The following CSMD1 variants were observed in gnomAD, a reference collection of about 807,000 sequenced individuals.
The protein encoded by CSMD1 is CUB and Sushi multiple domains 1.
CSMD1 carries 213 observed loss-of-function variants against 417.5 expected under a neutral mutation model. The observed-to-expected ratio is 0.51, with a 90% confidence interval of 0.46 to 0.57. CSMD1 has a LOEUF of 0.57. Ranked by LOEUF, CSMD1 falls within the 20% of genes least tolerant of loss-of-function variation. The probability of loss-of-function intolerance (pLI) is 0.00; values close to 1 mark genes in which losing one functional copy is unlikely to be tolerated. For missense variants in CSMD1, 6,923 were observed against 4,529.7 expected (o/e 1.53, Z -15.17); for synonymous variants, 2,862 against 1,736.8 (o/e 1.65, Z -16.11).
At chr8:4,108,564 C>G (rs946436245) in intron 3 of CSMD1, among the ~76,000 whole-genome samples, 5 of 152,222 alleles carry the variant, frequency 3.3e-5, no homozygotes, top group South Asian at 4.1e-4. Flanking sequence ...TCACCATCCA[C>G]TGATATGCCA....
intron 1 of CSMD1, among the ~76,000 whole-genome samples, chr8:4,716,703 C>T (rs1808681869): frequency 6.6e-6 from 1 of 152,104 alleles, no homozygotes; most frequent in South Asian, 2.1e-4. Context: ...GAGGACTATT[C>T]AAGATGATTT....
chr8:3,330,601 G>A (rs1198008415), intron 23 of CSMD1, among the ~76,000 whole-genome samples: 2 of 152,286 alleles, frequency 1.3e-5, no homozygotes, highest in African/African-American at 4.8e-5. Context: ...ATTGGAGGGT[G>A]GAGGATGAGA....
chr8:4,132,380 G>A (rs560432103), intron 3 of CSMD1, among the ~76,000 whole-genome samples: 12 of 152,100 alleles, frequency 7.9e-5, no homozygotes, highest in African/African-American at 2.9e-4. Context: ...TTGACTTTGT[G>A]CCTATTCTCT....
At chr8:4,524,617 A>G (rs1414071677) in intron 2 of CSMD1, among the ~76,000 whole-genome samples, 1 of 129,716 alleles carries the variant, frequency 7.7e-6, no homozygotes, top group African/African-American at 2.9e-5. Flanking sequence ...AGTGCCACCT[A>G]GTGAAGTATT....
intron 5 of CSMD1, among the ~76,000 whole-genome samples, chr8:3,756,629 A>G (rs1797675344): frequency 6.6e-6 from 1 of 152,190 alleles, no homozygotes; most frequent in African/African-American, 2.4e-5. Flanking sequence ...TCCATTTCAT[A>G]TGGTGATAGA....
chr8:4,896,385 A>G (rs1476869777), intron 1 of CSMD1, among the ~76,000 whole-genome samples: 1 of 152,208 alleles, frequency 6.6e-6, no homozygotes, highest in African/African-American at 2.4e-5. Context: ...TGCATTTTCA[A>G]AATTATTTAC....
chr8:4,015,315 T>C (rs186174429), intron 4 of CSMD1, among the ~76,000 whole-genome samples: 13 of 152,314 alleles, frequency 8.5e-5, no homozygotes, highest in African/African-American at 2.2e-4. Flanking sequence ...ATAAAAAGCA[T>C]GACTTCTCTT....
chr8:3,898,672 G>C (rs1807524551), intron 5 of CSMD1, among the ~76,000 whole-genome samples: 5 of 152,254 alleles, frequency 3.3e-5, no homozygotes, highest in Admixed American at 2.0e-4. Flanking sequence ...GGTATTTGTT[G>C]GTTTGTTTCT....
chr8:3,212,394 G>T (rs529055011), intron 30 of CSMD1, among the ~76,000 whole-genome samples: 1 of 152,056 alleles, frequency 6.6e-6, no homozygotes, highest in African/African-American at 2.4e-5. Context: ...TGTTGCCCAG[G>T]CTATAGTGCA....
intron 65 of CSMD1, among the ~76,000 whole-genome samples, chr8:2,952,801 G>A (rs953829547): frequency 6.6e-6 from 1 of 152,168 alleles, no homozygotes; most frequent in Non-Finnish European, 1.5e-5. Context: ...AGGCCTGGCT[G>A]GGTAGGGTAA....
intron 28 of CSMD1, among the ~76,000 whole-genome samples, chr8:3,219,974 T>C (rs1798106836): frequency 6.6e-6 from 1 of 152,214 alleles, no homozygotes; most frequent in East Asian, 1.9e-4. Flanking sequence ...AATGAGATCC[T>C]GTCTGTACAA....
At chr8:3,877,977 T>A (rs1264618020) in intron 5 of CSMD1, among the ~76,000 whole-genome samples, 7 of 151,882 alleles carry the variant, frequency 4.6e-5, no homozygotes, top group African/African-American at 1.2e-4. Context: ...TTTTTTTTTT[T>A]AAACTTAAAC....
chr8:3,903,680 T>A (rs1807917226), intron 5 of CSMD1, among the ~76,000 whole-genome samples: 1 of 152,180 alleles, frequency 6.6e-6, no homozygotes, highest in Non-Finnish European at 1.5e-5. Context: ...GGCTGTCTAA[T>A]GATGTGATTA....
intron 3 of CSMD1, among the ~76,000 whole-genome samples, chr8:4,112,555 C>G (rs1034503994): frequency 1.3e-5 from 2 of 152,150 alleles, no homozygotes; most frequent in African/African-American, 4.8e-5. Flanking sequence ...GTCCTGCTTT[C>G]TCTGTTCCCT....
intron 5 of CSMD1, among the ~76,000 whole-genome samples, chr8:3,951,993 G>T (rs935095486): frequency 1.3e-5 from 2 of 152,096 alleles, no homozygotes; most frequent in Admixed American, 6.5e-5. Context: ...GATTACACTT[G>T]GAACAACTTC....
chr8:4,590,091 A>C (rs1053672666), intron 2 of CSMD1, among the ~76,000 whole-genome samples: 7 of 152,174 alleles, frequency 4.6e-5, no homozygotes, highest in African/African-American at 1.7e-4. Context: ...TGAAATCTTC[A>C]AAGTTATATA....
intron 15 of CSMD1, among the ~76,000 whole-genome samples, chr8:3,402,138 T>C (rs1013138546): frequency 1.3e-5 from 2 of 152,168 alleles, no homozygotes; most frequent in African/African-American, 4.8e-5. Context: ...TTATGAAGGA[T>C]GCAGCCTGTC....
At chr8:4,566,154 G>A (rs962046137) in intron 2 of CSMD1, among the ~76,000 whole-genome samples, 5 of 152,056 alleles carry the variant, frequency 3.3e-5, no homozygotes, top group Non-Finnish European at 5.9e-5. Flanking sequence ...AATGCATCTT[G>A]CTATCAGCAC....
At chr8:3,433,372 T>C (rs1814345516) in intron 12 of CSMD1, among the ~76,000 whole-genome samples, 1 of 152,246 alleles carries the variant, frequency 6.6e-6, no homozygotes, top group African/African-American at 2.4e-5. Flanking sequence ...GAATCCCTTC[T>C]GCCTTTCAAA....
Sources: gnomAD v4.1 joint callset for allele counts (sites outside exome capture counted in the v4.1 genomes callset) on GRCh38, gnomAD v4.1.1 for gene constraint, MANE v1.5 for transcripts, NCBI Gene and HGNC (gene_info 2026-07-23, HGNC 2026-07-21) for gene names.